Variants in DSCAM observed in about 807,000 individuals in gnomAD.
The protein encoded by DSCAM is cell adhesion molecule DSCAM.
Under a neutral mutation model 217.7 loss-of-function variants are expected in DSCAM, and 47 were observed. The observed-to-expected ratio is 0.22, with a 90% CI of 0.17 to 0.28. The LOEUF (loss-of-function observed/expected upper bound fraction) is 0.28, where lower values mean the gene tolerates loss of function less well. Ranked by LOEUF, DSCAM falls within the 10% of genes least tolerant of loss-of-function variation. The probability of loss-of-function intolerance (pLI) is 1.00; values close to 1 mark genes in which losing one functional copy is unlikely to be tolerated. For synonymous variants in DSCAM, 1,056 were observed against 1,015.3 expected (o/e 1.04, Z -0.76); for missense variants, 2,080 against 2,618.3 (o/e 0.79, Z 4.49).
At chr21:40,756,196 T>G (rs889342749) in intron 1 of DSCAM, among the ~76,000 whole-genome samples, 1 of 152,114 alleles carries the variant, frequency 6.6e-6, no homozygotes, top group Non-Finnish European at 1.5e-5. Context: ...ATCTGGTTAT[T>G]TGAAAGTTTG....
At chr21:40,313,473 G>T (rs1362731689) in intron 8 of DSCAM, among the ~76,000 whole-genome samples, 1 of 152,198 alleles carries the variant, frequency 6.6e-6, no homozygotes, top group East Asian at 1.9e-4. Flanking sequence ...CTCTTCCTCA[G>T]TGCCCTCCTA....
chr21:40,758,204 T>G (rs1006657959), intron 1 of DSCAM, among the ~76,000 whole-genome samples: 10 of 152,112 alleles, frequency 6.6e-5, no homozygotes, highest in African/African-American at 2.4e-4. Context: ...TGCTCACACC[T>G]TGACTTTAGA....
chr21:40,162,528 T>G (rs1212662302), intron 16 of DSCAM, among the ~76,000 whole-genome samples: 2 of 152,206 alleles, frequency 1.3e-5, no homozygotes, highest in Admixed American at 1.3e-4. Context: ...AATGACAGAC[T>G]GAGTCATTTT....
At chr21:40,778,378 T>A (rs2091508436) in intron 1 of DSCAM, among the ~76,000 whole-genome samples, 1 of 152,070 alleles carries the variant, frequency 6.6e-6, no homozygotes, top group Non-Finnish European at 1.5e-5. Context: ...TGAGACGGAG[T>A]CCTGCTCTGT....
intron 6 of DSCAM, among the ~76,000 whole-genome samples, chr21:40,346,001 G>C (rs2074553899): frequency 6.6e-6 from 1 of 152,166 alleles, no homozygotes; most frequent in Non-Finnish European, 1.5e-5. Context: ...AATCTTTCTT[G>C]CTGTCACTCT....
chr21:40,650,923 A>G (rs1458942645), intron 3 of DSCAM, among the ~76,000 whole-genome samples: 1 of 152,150 alleles, frequency 6.6e-6, no homozygotes, highest in Non-Finnish European at 1.5e-5. Context: ...TAAACAAATA[A>G]AGAAGAGGGG....
In DSCAM at chr21:40,044,227, C is replaced by T. The variant is rs186934658; in HGVS notation, c.5234G>A (p.Arg1745His). The change falls in exon 31 of 33, where the codon CGC becomes CAC. Residue 1745 changes from arginine to histidine, a missense_variant. By Grantham distance (29) the Arg-to-His change is conservative. Coordinates refer to ENST00000400454, the MANE Select transcript of DSCAM (RefSeq NM_001389.5). ...NAKAGPTARN[R>H]YASQWTLNRP... is the part of the protein sequence containing the mutation. ...GTTGAGGGTCCACTGGCTGGCATAG[C>T]GGTTTCTCGCTGTGGGCCCAGCCTT... The T allele has an allele frequency of 1.3e-4, 205 of 1,614,086 alleles. No individual in the cohort carries two copies. The East Asian group carries it at 4.0e-3, about 32-fold the overall frequency.
intron 20 of DSCAM, among the ~76,000 whole-genome samples, chr21:40,103,417 G>A (rs573185601): frequency 1.1e-4 from 16 of 152,238 alleles, no homozygotes; most frequent in African/African-American, 3.8e-4. Context: ...ACATCTTCTT[G>A]TTTAGTGGCA....
At chr21:40,838,764 G>A (rs1015095605) in intron 1 of DSCAM, among the ~76,000 whole-genome samples, 27 of 152,084 alleles carry the variant, frequency 1.8e-4, no homozygotes, top group Non-Finnish European at 3.2e-4. Flanking sequence ...AGAGACTAGC[G>A]ACAAAATGAT....
At chr21:40,147,853 T>C (rs1040544086) in intron 16 of DSCAM, among the ~76,000 whole-genome samples, 3 of 152,184 alleles carry the variant, frequency 2.0e-5, no homozygotes, top group Non-Finnish European at 2.9e-5. Context: ...TTTTAATTGT[T>C]GGGGATATTA....
At chr21:40,815,785 C>G (rs1011653801) in intron 1 of DSCAM, among the ~76,000 whole-genome samples, 2 of 152,212 alleles carry the variant, frequency 1.3e-5, no homozygotes, top group African/African-American at 4.8e-5. Flanking sequence ...TGAACACACA[C>G]CTCTAGTGAC....
intron 16 of DSCAM, among the ~76,000 whole-genome samples, chr21:40,156,810 T>C (rs577158321): frequency 2.6e-5 from 4 of 152,346 alleles, no homozygotes; most frequent in South Asian, 2.1e-4. Context: ...ACTTCTGTTA[T>C]GCATTAGCAA....
intron 3 of DSCAM, among the ~76,000 whole-genome samples, chr21:40,459,335 CTG>C (rs1397708300): frequency 6.6e-6 from 1 of 152,070 alleles, no homozygotes; most frequent in Non-Finnish European, 1.5e-5. Context: ...GAAATTAAAA[CTG>C]TGCATATTAA....
At chr21:40,074,466 C>T (rs2089336410) in intron 27 of DSCAM, among the ~76,000 whole-genome samples, 2 of 152,218 alleles carry the variant, frequency 1.3e-5, no homozygotes, top group Non-Finnish European at 2.9e-5. Flanking sequence ...CGGGGCTGGA[C>T]ATTATAATCA....
intron 3 of DSCAM, among the ~76,000 whole-genome samples, chr21:40,647,069 A>C (rs1466641151): frequency 6.6e-6 from 1 of 152,258 alleles, no homozygotes; most frequent in African/African-American, 2.4e-5. Flanking sequence ...GCATGGGGCT[A>C]TGCAAATTTA....
intron 3 of DSCAM, among the ~76,000 whole-genome samples, chr21:40,435,598 T>C (rs913953658): frequency 1.2e-4 from 18 of 151,298 alleles, no homozygotes; most frequent in East Asian, 1.9e-4. Context: ...TCTTTGCCTA[T>C]GCATATCCAA....
At chr21:40,412,781 C>T (rs561605216) in intron 3 of DSCAM, among the ~76,000 whole-genome samples, 1 of 152,266 alleles carries the variant, frequency 6.6e-6, no homozygotes, top group Admixed American at 6.5e-5. Flanking sequence ...TAACTAGGAG[C>T]CAAATGTTAA....
intron 11 of DSCAM, among the ~76,000 whole-genome samples, chr21:40,249,814 A>C (rs1172551401): frequency 1.3e-5 from 2 of 152,152 alleles, no homozygotes; most frequent in Non-Finnish European, 2.9e-5. Flanking sequence ...CCAGAAGAGA[A>C]GAGAACAACC....
chr21:40,766,333 A>G (rs1050510181), intron 1 of DSCAM, among the ~76,000 whole-genome samples: 24 of 150,764 alleles, frequency 1.6e-4, no homozygotes, highest in Admixed American at 2.6e-4. Flanking sequence ...GTATGTGTGT[A>G]TATATATATA....
Sources: allele counts gnomAD v4.1 joint callset (sites outside exome capture counted in the v4.1 genomes callset), GRCh38; gene constraint gnomAD v4.1.1; transcripts MANE v1.5; gene names NCBI Gene and HGNC (gene_info 2026-07-23, HGNC 2026-07-21).